The following TRAK2 variants were observed in gnomAD, a reference collection of about 807,000 sequenced individuals.
The protein encoded by TRAK2 is trafficking kinesin-binding protein 2.
Under a neutral mutation model 104.6 loss-of-function variants are expected in TRAK2, and 81 were observed. The observed-to-expected ratio is 0.77, with a 90% CI of 0.65 to 0.93. The LOEUF (loss-of-function observed/expected upper bound fraction) is 0.93, where lower values mean the gene tolerates loss of function less well. TRAK2 is among the 40% of genes least tolerant of loss of function. TRAK2 has a pLI of 0.00. For synonymous variants in TRAK2, 406 were observed against 394.4 expected (o/e 1.03, Z -0.35); for missense variants, 1,002 against 1,089.0 (o/e 0.92, Z 1.12).
At chr2:201,386,119 AC>A in intron 14 of TRAK2, 98 bp downstream of exon 14, 4 of 1,282,216 alleles carry the variant, frequency 3.1e-6, no homozygotes, top group Non-Finnish European at 4.4e-6. Flanking sequence ...AAGATTAAGT[AC>A]CCTCCAGTGA....
At chr2:201,423,611 A>AT (rs1160078295) in intron 1 of TRAK2, 1 of 152,160 alleles carries the variant, frequency 6.6e-6, no homozygotes, top group Admixed American at 6.5e-5. Context: ...TAAAAATAAA[A>AT]TTTTTTTAAA....
intron 1 of TRAK2, among the ~76,000 whole-genome samples, chr2:201,446,122 C>G (rs1037488263): frequency 1.3e-5 from 2 of 152,124 alleles, no homozygotes; most frequent in African/African-American, 4.8e-5. Context: ...TGAAACCTTA[C>G]AACTTCTCTT....
In TRAK2 at chr2:201,380,902, C is replaced by T; in HGVS notation, c.2386G>A (p.Val796Met). 3.1e-6 allele frequency: 5 copies of T among 1,614,050 alleles called. No homozygotes were observed. Among genetic ancestry groups the T allele is most frequent in the Non-Finnish European group, 4.2e-6 (5 of 1,179,992 alleles). Residue 796 changes from valine to methionine, a missense_variant, in exon 16 of 16, where the codon GTG becomes ATG. Transcript: ENST00000332624. ...CPSPLPFEPR[V>M]HLSENFLASR... is the part of the protein sequence containing the mutation. ...GCCAAAAAATTTTCAGAGAGATGCA[C>T]TCGAGGCTCAAAGGGTAAAGGAGAA...
chr2:201,413,394 A>C, intron 2 of TRAK2: 9 of 573,256 alleles, frequency 1.6e-5, no homozygotes, highest in East Asian at 3.2e-5. Flanking sequence ...CACCCCCCTA[A>C]ACACAGGCTG....
rs1403409385 is a variant in TRAK2, at chr2:201,399,372, C to G, written c.480+5G>C. ...CATACTGCAGACATTTGATCAAAGG[C>G]TTACTTGATCAAAGGCTTGTCCCAA... On this transcript the variant is annotated splice_donor_5th_base_variant and intron_variant, in intron 5 of 15. Coordinates refer to ENST00000332624, the MANE Select transcript of TRAK2 (RefSeq NM_015049.3). 4 of 1,572,248 alleles carry G rather than the reference C, an allele frequency of 2.5e-6. No homozygotes were observed. The African/African-American group carries it at 5.4e-5, about 21-fold the overall frequency.
At chr2:201,417,521 C>T (rs778769080) in intron 2 of TRAK2, among the ~76,000 whole-genome samples, 5 of 152,128 alleles carry the variant, frequency 3.3e-5, no homozygotes, top group Admixed American at 6.5e-5. Flanking sequence ...TCAACAGAGG[C>T]AAAATAAGTA....
Position 201,414,598 on chromosome 2 carries a change from A to G in TRAK2, c.91+5819T>C, listed in dbSNP as rs1431577306. On this transcript the variant is annotated intron_variant, in intron 2 of 15. Transcript: ENST00000332624. The stretch of plus-strand genomic sequence containing the variant: ...GCAGTGGCTTGATCACCACAATGAG[A>G]TAGAGATGAGGCAGATTTAAAACCT... Among the ~76,000 whole-genome samples, 6 of 152,338 alleles carry G rather than the reference A, an allele frequency of 3.9e-5. No homozygotes were observed. In the East Asian group the frequency reaches 9.6e-4, roughly 24 times the overall value.
intron 12 of TRAK2, 85 bp downstream of exon 12, chr2:201,389,215 A>T: frequency 7.9e-7 from 1 of 1,268,456 alleles, no homozygotes; most frequent in Non-Finnish European, 1.1e-6. Flanking sequence ...TTGGGACAGT[A>T]GAGTAATGCT....
intron 1 of TRAK2, among the ~76,000 whole-genome samples, chr2:201,425,530 T>C (rs188017987): frequency 5.9e-5 from 9 of 152,262 alleles, no homozygotes; most frequent in African/African-American, 1.9e-4. Flanking sequence ...GCCTCCCAAG[T>C]AGCTCGTATT....
At chr2:201,426,076 C>T (rs1390187184) in intron 1 of TRAK2, among the ~76,000 whole-genome samples, 1 of 152,154 alleles carries the variant, frequency 6.6e-6, no homozygotes, top group Non-Finnish European at 1.5e-5. Context: ...CAGGGGTCCC[C>T]AACTCCTGTG....
At chr2:201,450,950 A>C (rs993022654) in intron 1 of TRAK2, among the ~76,000 whole-genome samples, 1 of 152,196 alleles carries the variant, frequency 6.6e-6, no homozygotes, top group African/African-American at 2.4e-5. Flanking sequence ...ACCCAGAAAG[A>C]GCTCTTTCCA....
chr2:201,387,582 TA>T, intron 13 of TRAK2, 120 bp downstream of exon 13: 1 of 1,051,338 alleles, frequency 9.5e-7, no homozygotes, highest in Non-Finnish European at 1.4e-6. Flanking sequence ...ACAGCAAGAT[TA>T]AGGGATAAAA....
chr2:201,446,056 C>G (rs933570133), intron 1 of TRAK2, among the ~76,000 whole-genome samples: 1 of 152,088 alleles, frequency 6.6e-6, no homozygotes, highest in Non-Finnish European at 1.5e-5. Flanking sequence ...GATAGATGAA[C>G]TTTTTCCTCT....
chr2:201,416,793 C>T (rs1293018989), intron 2 of TRAK2, among the ~76,000 whole-genome samples: 1 of 151,204 alleles, frequency 6.6e-6, no homozygotes, highest in East Asian at 1.9e-4. Flanking sequence ...TGTATTGCAA[C>T]CTGGAGCAAG....
intron 1 of TRAK2, among the ~76,000 whole-genome samples, chr2:201,449,602 A>G (rs1049988853): frequency 6.7e-5 from 10 of 148,224 alleles, no homozygotes; most frequent in African/African-American, 2.3e-4. Context: ...CTCCTGCCTC[A>G]GCCTCCTCAG....
chr2:201,412,812 G>T, intron 2 of TRAK2: 1 of 966,986 alleles, frequency 1.0e-6, no homozygotes, highest in South Asian at 1.3e-5. Context: ...TGCTATGCAA[G>T]AATGACAATC....
rs1383846944 is a variant in TRAK2 at position 201,397,619 on chromosome 2, T to A, written c.691-39A>T. On this transcript the variant is annotated intron_variant, in intron 6 of 15. Coordinates refer to ENST00000332624, the MANE Select transcript of TRAK2 (RefSeq NM_015049.3). Reference sequence around the variant, plus strand: ...ATCAGTATGTGACAATACCTTCTAGTGATTTTATAGAAATAACTACAAAAA... The same window carrying A: ...ATCAGTATGTGACAATACCTTCTAGAGATTTTATAGAAATAACTACAAAAA... The A allele has an allele frequency of 2.9e-6, 4 of 1,373,354 alleles. No homozygotes were observed. In the Admixed American group the frequency reaches 7.5e-5, roughly 26 times the overall value. The allele number at this position is 1,373,354 out of a possible 1,614,324, so 85.1% of individuals were successfully genotyped here.
chr2:201,387,934 G>A lies in TRAK2; in HGVS notation c.1465C>T (p.Leu489Phe). 1 of 1,614,148 alleles carries A rather than the reference G, an allele frequency of 6.2e-7. No homozygotes were observed. Among genetic ancestry groups the A allele is most frequent in the Non-Finnish European group, 8.5e-7 (1 of 1,180,020 alleles). ...AAATAGTTTTGTCGACGCAAGCTAA[G>A]GCGATGCAGTGCTGTAGCCAAATCA... ...DSDLATALHR[L>F]SLRRQNYLSE... The change falls in exon 13 of 16, where the codon CTT becomes TTT. Residue 489 changes from leucine (L) to phenylalanine (F), a missense_variant. Coordinates refer to ENST00000332624, the MANE Select transcript of TRAK2 (RefSeq NM_015049.3).
intron 1 of TRAK2, among the ~76,000 whole-genome samples, chr2:201,442,701 A>G (rs1951935487): frequency 6.6e-6 from 1 of 152,022 alleles, no homozygotes; most frequent in African/African-American, 2.4e-5. Context: ...TCTGTTCTCC[A>G]TTTCTCTTAT....
Sources: gnomAD v4.1 joint callset for allele counts (sites outside exome capture counted in the v4.1 genomes callset) on GRCh38, gnomAD v4.1.1 for gene constraint, MANE v1.5 for transcripts, NCBI Gene and HGNC (gene_info 2026-07-23, HGNC 2026-07-21) for gene names.